The following ASNS variants were observed in gnomAD, a reference collection of about 807,000 sequenced individuals.
ASNS encodes the protein asparagine synthetase [glutamine-hydrolyzing].
In ASNS, 37 loss-of-function variants were observed where a neutral mutation model predicts 62.6. The ratio of observed to expected loss-of-function variants is 0.59; its 90% CI spans 0.45 to 0.78. The LOEUF is 0.78. Ranked by LOEUF, ASNS falls within the 30% of genes least tolerant of loss-of-function variation. The pLI is 0.00. For synonymous variants in ASNS, 207 were observed against 237.9 expected, an observed-to-expected ratio of 0.87 and a Z score of 1.19; for missense variants, 520 against 682.4, an observed-to-expected ratio of 0.76 and a Z score of 2.65.
chr7:97,872,704 A>G (rs1792346434), upstream of ASNS, among the ~76,000 whole-genome samples: 1 of 152,168 alleles, frequency 6.6e-6, no homozygotes, highest in Middle Eastern at 3.2e-3. Context: ...GGAAATCATC[A>G]CCGTTTTTTT....
the ASNS span, among the ~76,000 whole-genome samples, chr7:97,888,080 T>A: frequency 6.6e-6 from 1 of 152,222 alleles, no homozygotes; most frequent in South Asian, 2.1e-4. Flanking sequence ...GCTCAAGTGA[T>A]CTTACCCTTC....
At position 97,858,365 on chromosome 7, in the gene ASNS, C is replaced by A; in HGVS notation, c.816G>T (p.Lys272Asn). 1.9e-6 allele frequency: 3 copies of A among 1,614,134 alleles called. No homozygotes were observed. The highest frequency in any genetic ancestry group is 1.1e-5 in the South Asian group (1 of 91,082). Residue 272 changes from lysine (K) to asparagine (N), a missense_variant, in exon 7 of 13, where the codon AAG becomes AAT. Physicochemically the swap from Lys to Asn is moderately conservative, Grantham distance 94. Coordinates refer to ENST00000394308, the MANE Select transcript of ASNS (RefSeq NM_001673.5). Reference sequence around the variant, plus strand: ...ACTGTACTTGGGCTTCTTTCAGCTGCTTCAACAGAGTGGCAGCAACCAAGC... The same window carrying A: ...ACTGTACTTGGGCTTCTTTCAGCTGATTCAACAGAGTGGCAGCAACCAAGC... ...DSSLVAATLLKQLKEAQVQYP... is the reference protein window; with the variant it reads ...DSSLVAATLLNQLKEAQVQYP...
At chr7:97,902,910 G>T in the ASNS span, among the ~76,000 whole-genome samples, 1 of 152,160 alleles carries the variant, frequency 6.6e-6, no homozygotes, top group Non-Finnish European at 1.5e-5. Context: ...GCAGTTCTCA[G>T]ATGGGGCTAT....
chr7:97,880,915 T>TTGTG, the ASNS span, among the ~76,000 whole-genome samples: 4 of 148,536 alleles, frequency 2.7e-5, no homozygotes, highest in African/African-American at 5.0e-5. Context: ...TTTTTGGTTT[T>TTGTG]TGTGTGTGTG....
At chr7:97,865,148 G>C (rs1169175120) in intron 3 of ASNS, among the ~76,000 whole-genome samples, 1 of 152,150 alleles carries the variant, frequency 6.6e-6, no homozygotes, top group Non-Finnish European at 1.5e-5. Context: ...TTATTATGCT[G>C]CTGATGAGCA....
At chr7:97,898,910 A>C in the ASNS span, 3 of 1,273,278 alleles carry the variant, frequency 2.4e-6, no homozygotes, top group African/African-American at 2.9e-5. Context: ...CAAGTCAGCA[A>C]GACTCACTTC....
At chr7:97,914,064 T>A in the ASNS span, among the ~76,000 whole-genome samples, 1 of 118,916 alleles carries the variant, frequency 8.4e-6, no homozygotes, top group South Asian at 2.9e-4. Flanking sequence ...AGGTGGATGA[T>A]AGCTGGGTGC....
chr7:97,883,716 G>C, the ASNS span, among the ~76,000 whole-genome samples: 1 of 152,098 alleles, frequency 6.6e-6, no homozygotes, highest in African/African-American at 2.4e-5. Context: ...GGCCGGGCGC[G>C]GTGGCTCACG....
At chr7:97,921,344 G>A in the ASNS span, among the ~76,000 whole-genome samples, 1 of 152,158 alleles carries the variant, frequency 6.6e-6, no homozygotes, top group Non-Finnish European at 1.5e-5. Flanking sequence ...CAGCTTTGCA[G>A]GCCATAGGTC....
At chr7:97,898,623 T>A in the ASNS span, 1 of 647,948 alleles carries the variant, frequency 1.5e-6, no homozygotes, top group South Asian at 1.6e-5. Flanking sequence ...TCCCATCATC[T>A]TCTTCTGGAT....
At chr7:97,916,562 C>T in the ASNS span, among the ~76,000 whole-genome samples, 1 of 152,118 alleles carries the variant, frequency 6.6e-6, no homozygotes, top group Non-Finnish European at 1.5e-5. Context: ...GGCACACAGG[C>T]GGATCCAAGA....
At chr7:97,891,321 C>A in the ASNS span, among the ~76,000 whole-genome samples, 1 of 152,186 alleles carries the variant, frequency 6.6e-6, no homozygotes, top group Non-Finnish European at 1.5e-5. Flanking sequence ...CCAGGTCCCT[C>A]CCACAACATG....
chr7:97,854,818 G>T (rs1791359109), intron 9 of ASNS, 138 bp from the exon 10 acceptor site: 4 of 1,480,534 alleles, frequency 2.7e-6, no homozygotes, highest in South Asian at 1.3e-5. Context: ...CTGAACAGAG[G>T]TAAGCAATGC....
the ASNS span, among the ~76,000 whole-genome samples, chr7:97,882,995 T>A: frequency 6.6e-6 from 1 of 152,198 alleles, no homozygotes; most frequent in Non-Finnish European, 1.5e-5. Flanking sequence ...AGTGTGCTTT[T>A]TGCTGGGATC....
intron 7 of ASNS, among the ~76,000 whole-genome samples, 171 bp from the exon 8 acceptor site, chr7:97,856,987 T>C (rs1279644980): frequency 1.3e-5 from 2 of 152,158 alleles, no homozygotes; most frequent in Non-Finnish European, 2.9e-5. Context: ...CATCCAGCAC[T>C]GTTCCCTCGC....
upstream of ASNS, among the ~76,000 whole-genome samples, chr7:97,877,177 C>A (rs1368412591): frequency 1.3e-5 from 2 of 150,450 alleles, no homozygotes; most frequent in African/African-American, 2.5e-5. Context: ...TCACTGCAAC[C>A]TCCACCTCCT....
the ASNS span, among the ~76,000 whole-genome samples, chr7:97,918,626 C>T: frequency 4.6e-5 from 7 of 152,186 alleles, no homozygotes; most frequent in African/African-American, 1.7e-4. Context: ...ACAATAAACA[C>T]ATATGCAAAT....
chr7:97,904,832 G>A, the ASNS span, among the ~76,000 whole-genome samples: 1 of 152,072 alleles, frequency 6.6e-6, no homozygotes, highest in African/African-American at 2.4e-5. Flanking sequence ...TCAACAATAG[G>A]CACATTTCTG....
At chr7:97,861,836 C>T (rs1791736119) in intron 4 of ASNS, among the ~76,000 whole-genome samples, 1 of 152,198 alleles carries the variant, frequency 6.6e-6, no homozygotes, top group South Asian at 2.1e-4. Flanking sequence ...CCTCTCATTT[C>T]TTTCAACAAC....
Sources: allele counts gnomAD v4.1 joint callset (sites outside exome capture counted in the v4.1 genomes callset), GRCh38; gene constraint gnomAD v4.1.1; transcripts MANE v1.5; gene names NCBI Gene and HGNC (gene_info 2026-07-23, HGNC 2026-07-21).